Variants in KIAA1328 observed in about 807,000 individuals in gnomAD.
KIAA1328 encodes KIAA1328.
In KIAA1328, 52 loss-of-function variants were observed where a neutral mutation model predicts 68.1. The observed-to-expected ratio is 0.76, with a 90% CI of 0.61 to 0.96. The LOEUF is 0.96. Among genes scored for constraint, KIAA1328 ranks in the 40% least tolerant of loss-of-function variants. The pLI is 0.00. For synonymous variants in KIAA1328, 232 were observed against 239.4 expected, an observed-to-expected ratio of 0.97 and a Z score of 0.28; for missense variants, 641 against 677.6, an observed-to-expected ratio of 0.95 and a Z score of 0.60.
intron 6 of KIAA1328, among the ~76,000 whole-genome samples, chr18:37,029,127 A>C (rs1251719786): frequency 3.3e-5 from 5 of 152,106 alleles, no homozygotes; most frequent in Non-Finnish European, 5.9e-5. Context: ...GGTAGAATTC[A>C]CCTGTGGATC....
At chr18:37,071,616 T>C (rs537566092) in intron 7 of KIAA1328, among the ~76,000 whole-genome samples, 2 of 152,276 alleles carry the variant, frequency 1.3e-5, no homozygotes, top group Admixed American at 1.3e-4. Flanking sequence ...TGTGCAAAGA[T>C]TATATATACA....
intron 6 of KIAA1328, among the ~76,000 whole-genome samples, chr18:37,060,269 T>C (rs1323636158): frequency 6.6e-6 from 1 of 152,184 alleles, no homozygotes; most frequent in Non-Finnish European, 1.5e-5. Flanking sequence ...TACAAAGTTG[T>C]TCCTTGACCT....
intron 5 of KIAA1328, among the ~76,000 whole-genome samples, chr18:36,949,605 C>T (rs1193385871): frequency 1.0e-5 from 1 of 97,324 alleles, no homozygotes; most frequent in African/African-American, 3.9e-5. Context: ...GCTCCCCCCC[C>T]CCCACCCCCC....
At chr18:36,887,884 A>G (rs943832877) in intron 5 of KIAA1328, among the ~76,000 whole-genome samples, 1 of 152,216 alleles carries the variant, frequency 6.6e-6, no homozygotes, top group Non-Finnish European at 1.5e-5. Context: ...AGTTGGGGAA[A>G]GGTGAGAGAG....
In KIAA1328 at chr18:36,835,370, T is replaced by C; in HGVS notation, c.231T>C (p.Asp77=). The change falls in exon 3 of 10, where the codon GAT becomes GAC. Residue 77 remains aspartate (D), a synonymous_variant. Coordinates refer to ENST00000280020, the MANE Select transcript of KIAA1328 (RefSeq NM_020776.3). The part of the protein sequence containing the change: ...ESLKGTGDSV[D]EQNSCRGEIK... ...TAAAAGGCACAGGAGATTCAGTAGA[T>C]GAACAGGTTAGTATTTTTTTCGTCT... 1 of 1,610,244 alleles carries C rather than the reference T, an allele frequency of 6.2e-7. No individual in the cohort carries two copies. Among genetic ancestry groups the C allele is most frequent in the Non-Finnish European group, 8.5e-7 (1 of 1,178,644 alleles).
chr18:36,962,310 G>C (rs892521753), intron 6 of KIAA1328, among the ~76,000 whole-genome samples: 1 of 152,162 alleles, frequency 6.6e-6, no homozygotes, highest in African/African-American at 2.4e-5. Flanking sequence ...GAAGCACCCA[G>C]ATTCATAAAG....
intron 9 of KIAA1328, among the ~76,000 whole-genome samples, chr18:37,180,206 G>A (rs1568502601): frequency 6.6e-6 from 1 of 151,918 alleles, no homozygotes; most frequent in East Asian, 1.9e-4. Context: ...TTTTAGGTAC[G>A]TTATTTCATT....
At chr18:36,908,761 A>G (rs559448294) in intron 5 of KIAA1328, among the ~76,000 whole-genome samples, 10 of 152,290 alleles carry the variant, frequency 6.6e-5, no homozygotes, top group Non-Finnish European at 1.2e-4. Flanking sequence ...GTGTGAATCC[A>G]GAATATATAT....
At chr18:37,231,594 G>A (rs1252871366), downstream of KIAA1328, 1 of 152,360 alleles carries the variant, frequency 6.6e-6, no homozygotes. Flanking sequence ...TTGGCCAGAG[G>A]ACAGGCCCTG....
intron 7 of KIAA1328, among the ~76,000 whole-genome samples, chr18:37,129,839 G>A (rs2058480460): frequency 6.6e-6 from 1 of 152,174 alleles, no homozygotes; most frequent in Non-Finnish European, 1.5e-5. Flanking sequence ...CTGACAGAAG[G>A]CCAGAGGTGA....
chr18:37,017,427 T>G, intron 6 of KIAA1328, among the ~76,000 whole-genome samples: 1 of 152,280 alleles, frequency 6.6e-6, no homozygotes, highest in African/African-American at 2.4e-5. Context: ...ATGAGAAGAA[T>G]GTATATTCTG....
chr18:37,063,121 A>G (rs1384430056), intron 6 of KIAA1328, among the ~76,000 whole-genome samples: 1 of 150,692 alleles, frequency 6.6e-6, no homozygotes, highest in East Asian at 2.0e-4. Context: ...TGGCTGCATT[A>G]TTATCTGGAG....
At chr18:36,950,205 C>T (rs1275995415) in intron 5 of KIAA1328, among the ~76,000 whole-genome samples, 2 of 152,062 alleles carry the variant, frequency 1.3e-5, no homozygotes, top group East Asian at 1.9e-4. Context: ...AGGAATTTGA[C>T]GTGGTCAGAA....
At chr18:37,138,414 T>C (rs1016203457) in intron 7 of KIAA1328, among the ~76,000 whole-genome samples, 1 of 152,214 alleles carries the variant, frequency 6.6e-6, no homozygotes, top group African/African-American at 2.4e-5. Context: ...TTCTCTTTCC[T>C]ACACCACACA....
At chr18:37,149,509 C>T (rs998436431) in intron 7 of KIAA1328, among the ~76,000 whole-genome samples, 3 of 152,014 alleles carry the variant, frequency 2.0e-5, no homozygotes, top group Admixed American at 6.6e-5. Flanking sequence ...GATTTCATAA[C>T]GAAATCCCCA....
intron 9 of KIAA1328, among the ~76,000 whole-genome samples, chr18:37,195,834 A>G (rs2154218423): frequency 6.6e-6 from 1 of 152,278 alleles, no homozygotes; most frequent in South Asian, 2.1e-4. Flanking sequence ...AATTTCTGTG[A>G]GGAACATCAT....
intron 6 of KIAA1328, among the ~76,000 whole-genome samples, chr18:37,010,441 TAAAAAAAAAAAAA>T (rs59927777): frequency 0.33 from 29,388 of 90,420 alleles, 4,229 homozygotes; most frequent in South Asian, 0.47. Flanking sequence ...AGACACCATC[TAAAAAAAAAAAAA>T]AAAAAAAAAA....
intron 5 of KIAA1328, among the ~76,000 whole-genome samples, chr18:36,950,710 G>A (rs948784020): frequency 1.3e-5 from 2 of 152,120 alleles, no homozygotes; most frequent in Non-Finnish European, 2.9e-5. Context: ...TGGCTTGTAG[G>A]CATTCAGAGT....
At chr18:36,936,347 C>T (rs2050498504) in intron 5 of KIAA1328, among the ~76,000 whole-genome samples, 1 of 152,116 alleles carries the variant, frequency 6.6e-6, no homozygotes, top group Admixed American at 6.5e-5. Flanking sequence ...CATTGTGCAA[C>T]TCCCACTTAT....
Sources: gnomAD v4.1 joint callset for allele counts (sites outside exome capture counted in the v4.1 genomes callset) on GRCh38, gnomAD v4.1.1 for gene constraint, MANE v1.5 for transcripts, NCBI Gene and HGNC (gene_info 2026-07-23, HGNC 2026-07-21) for gene names.